Variants in DAAM1 observed in about 807,000 individuals in gnomAD.
The protein encoded by DAAM1 is dishevelled associated activator of morphogenesis 1.
Under a neutral mutation model 130.0 loss-of-function variants are expected in DAAM1, and 52 were observed. The observed-to-expected ratio is 0.40, with a 90% CI of 0.32 to 0.50. The LOEUF is 0.50. Among genes scored for constraint, DAAM1 ranks in the 20% least tolerant of loss-of-function variants. DAAM1 has a pLI of 0.61. For synonymous variants in DAAM1, 452 were observed against 444.5 expected (o/e 1.02, Z -0.21); for missense variants, 1,134 against 1,303.8 (o/e 0.87, Z 2.01).
chr14:59,318,068 T>G (rs903352859), intron 4 of DAAM1, among the ~76,000 whole-genome samples: 1 of 152,144 alleles, frequency 6.6e-6, no homozygotes, highest in South Asian at 2.1e-4. Context: ...CAAGAATGCT[T>G]TGTTCTTTAA....
chr14:59,268,190 C>T (rs1455589981), intron 2 of DAAM1, among the ~76,000 whole-genome samples: 7 of 152,070 alleles, frequency 4.6e-5, no homozygotes, highest in East Asian at 3.9e-4. Context: ...CATGAGTCAC[C>T]GCGCCCGGCG....
intron 16 of DAAM1, 71 bp from the exon 17 acceptor site, chr14:59,347,468 T>C: frequency 7.1e-7 from 1 of 1,401,062 alleles, no homozygotes; most frequent in Non-Finnish European, 9.9e-7. Flanking sequence ...GCAGCTGGGG[T>C]AGCAAAGTGA....
chr14:59,370,599 T>C lies in DAAM1; in HGVS notation c.*1740T>C, dbSNP rs1334628448. 6.6e-6 allele frequency: 1 copy of C among 152,134 alleles called. No individual in the cohort carries two copies. The highest frequency in any genetic ancestry group is 1.5e-5 in the Non-Finnish European group (1 of 67,978). 9.4% of individuals were successfully genotyped at this position (152,134 alleles called of 1,614,324 possible). On this transcript the variant is annotated 3_prime_UTR_variant, in exon 25 of 25. Coordinates refer to ENST00000360909, the MANE Select transcript of DAAM1 (RefSeq NM_001270520.2). Reference sequence around the variant, plus strand: ...GCTGTGGTTTTACATCTTTTCCTCATTGCAAATTTAGTGACTTTCTACACA... The same window carrying C: ...GCTGTGGTTTTACATCTTTTCCTCACTGCAAATTTAGTGACTTTCTACACA...
intron 2 of DAAM1, among the ~76,000 whole-genome samples, chr14:59,277,488 C>G (rs1040399140): frequency 5.3e-5 from 8 of 150,926 alleles, no homozygotes; most frequent in African/African-American, 1.9e-4. Flanking sequence ...AAAAAAAAAT[C>G]TTTTCTCCAA....
chr14:59,201,619 G>A (rs1019195314), intron 1 of DAAM1, among the ~76,000 whole-genome samples: 1 of 151,768 alleles, frequency 6.6e-6, no homozygotes, highest in Non-Finnish European at 1.5e-5. Flanking sequence ...CCATCTCCAC[G>A]CCCTGCCTCA....
At chr14:59,312,164 A>G (rs920260432) in intron 3 of DAAM1, among the ~76,000 whole-genome samples, 1 of 152,184 alleles carries the variant, frequency 6.6e-6, no homozygotes, top group Non-Finnish European at 1.5e-5. Flanking sequence ...TTAAATGTGA[A>G]CAATTACTAC....
At chr14:59,233,486 G>A (rs766358850) in intron 1 of DAAM1, among the ~76,000 whole-genome samples, 11 of 152,052 alleles carry the variant, frequency 7.2e-5, no homozygotes, top group Non-Finnish European at 1.3e-4. Context: ...TGATGGGGTC[G>A]TTTGTGTTTT....
chr14:59,280,807 C>A (rs1208181663), intron 2 of DAAM1, among the ~76,000 whole-genome samples: 1 of 152,014 alleles, frequency 6.6e-6, no homozygotes, highest in Non-Finnish European at 1.5e-5. Flanking sequence ...ACATGGTGGG[C>A]CCTTGGAAAA....
At chr14:59,363,405 C>T in intron 22 of DAAM1, 1 of 375,974 alleles carries the variant, frequency 2.7e-6, no homozygotes, top group Non-Finnish European at 4.8e-6. Flanking sequence ...AGAGAAATCA[C>T]ATAGATCAAG....
At chr14:59,294,734 C>G (rs1171856684) in intron 3 of DAAM1, among the ~76,000 whole-genome samples, 1 of 152,114 alleles carries the variant, frequency 6.6e-6, no homozygotes, top group Admixed American at 6.5e-5. Flanking sequence ...CAGTCTCTAG[C>G]CAGAAACTGC....
chr14:59,248,981 G>A (rs112693815), intron 1 of DAAM1, among the ~76,000 whole-genome samples: 28,513 of 152,058 alleles, frequency 0.19, 3,176 homozygotes, highest in Non-Finnish European at 0.25. Context: ...TAGAGACGGG[G>A]TTTCACCGTG....
chr14:59,298,580 C>T (rs537715793), intron 3 of DAAM1, among the ~76,000 whole-genome samples: 1 of 152,284 alleles, frequency 6.6e-6, no homozygotes, highest in East Asian at 1.9e-4. Flanking sequence ...CATTTCCTTT[C>T]TTTATTTCCT....
intron 1 of DAAM1, among the ~76,000 whole-genome samples, chr14:59,262,079 C>A (rs1052224449): frequency 1.1e-4 from 17 of 151,078 alleles, no homozygotes; most frequent in African/African-American, 4.1e-4. Context: ...AACCTCATCT[C>A]TTTTTTAACC....
At chr14:59,192,312 G>C (rs186266338) in intron 1 of DAAM1, among the ~76,000 whole-genome samples, 2 of 152,200 alleles carry the variant, frequency 1.3e-5, no homozygotes, top group East Asian at 3.9e-4. Flanking sequence ...GTAAATATTT[G>C]GGAGATGGCA....
intron 2 of DAAM1, among the ~76,000 whole-genome samples, chr14:59,286,808 A>G (rs1883478709): frequency 6.6e-6 from 1 of 152,106 alleles, no homozygotes; most frequent in South Asian, 2.1e-4. Flanking sequence ...CCTACCAACC[A>G]GAAAAAAGCC....
chr14:59,259,754 T>A (rs1419509445), intron 1 of DAAM1, among the ~76,000 whole-genome samples: 1 of 152,220 alleles, frequency 6.6e-6, no homozygotes, highest in Non-Finnish European at 1.5e-5. Flanking sequence ...GGTACAAGAA[T>A]TGAGATTAGG....
At chr14:59,310,126 T>G (rs1566696612) in intron 3 of DAAM1, among the ~76,000 whole-genome samples, 1 of 151,356 alleles carries the variant, frequency 6.6e-6, no homozygotes, top group Non-Finnish European at 1.5e-5. Flanking sequence ...TTTTTTTTTT[T>G]TTGAGACAGG....
chr14:59,266,728 C>T (rs959319759), intron 2 of DAAM1, among the ~76,000 whole-genome samples: 1 of 152,206 alleles, frequency 6.6e-6, no homozygotes, highest in Non-Finnish European at 1.5e-5. Context: ...CTGCTGCAAA[C>T]CTCTGCCCCA....
chr14:59,331,647 T>C, intron 14 of DAAM1, 139 bp downstream of exon 14: 1 of 1,502,638 alleles, frequency 6.7e-7, no homozygotes, highest in Non-Finnish European at 8.9e-7. Flanking sequence ...AGCTCAGATA[T>C]TTAAGTGATA....
Sources: allele counts gnomAD v4.1 joint callset (sites outside exome capture counted in the v4.1 genomes callset), GRCh38; gene constraint gnomAD v4.1.1; transcripts MANE v1.5; gene names NCBI Gene and HGNC (gene_info 2026-07-23, HGNC 2026-07-21).